SAMD5: variants seen among roughly 807,000 people sequenced by gnomAD.
SAMD5 encodes the protein sterile alpha motif domain-containing protein 5.
A neutral mutation model predicts 11.3 loss-of-function variants in SAMD5; 13 were observed. The ratio of observed to expected loss-of-function variants is 1.15; its 90% CI spans 0.75 to 1.83. SAMD5 has a LOEUF of 1.83. SAMD5 is among the 40% of genes most tolerant of loss of function. The pLI, the probability that SAMD5 is intolerant of heterozygous loss-of-function variation, is 0.00. For missense variants in SAMD5, 255 were observed against 239.1 expected, an observed-to-expected ratio of 1.07 and a Z score of -0.44; for synonymous variants, 129 against 111.3, an observed-to-expected ratio of 1.16 and a Z score of -1.00.
intron 1 of SAMD5, among the ~76,000 whole-genome samples, chr6:147,551,552 G>A (rs1788772246): frequency 6.6e-6 from 1 of 151,928 alleles, no homozygotes; most frequent in Admixed American, 6.6e-5. Context: ...TAAGGTGGCA[G>A]ATGCATAACT....
chr6:147,909,618 T>TTCTCTCTCTCTC, the SAMD5 span, among the ~76,000 whole-genome samples: 31 of 76,420 alleles, frequency 4.1e-4, 1 homozygote, highest in East Asian at 8.0e-4. Flanking sequence ...CTTTCTTTCT[T>TTCTCTCTCTCTC]TCTTTCTTTC....
the SAMD5 span, among the ~76,000 whole-genome samples, chr6:147,851,140 C>T: frequency 7.2e-5 from 11 of 151,902 alleles, no homozygotes; most frequent in African/African-American, 2.4e-4. Flanking sequence ...GATGGGGTTT[C>T]GCCATGTTGG....
chr6:147,755,438 C>T, the SAMD5 span, among the ~76,000 whole-genome samples: 1 of 152,080 alleles, frequency 6.6e-6, no homozygotes, highest in East Asian at 1.9e-4. Context: ...TCATATATGG[C>T]AGCCACTGTC....
chr6:147,824,836 T>C, the SAMD5 span, among the ~76,000 whole-genome samples: 4 of 152,326 alleles, frequency 2.6e-5, no homozygotes, highest in African/African-American at 7.2e-5. Context: ...CTTCATTCAG[T>C]GCATATTTAT....
At chr6:147,905,676 G>C in the SAMD5 span, among the ~76,000 whole-genome samples, 2 of 152,076 alleles carry the variant, frequency 1.3e-5, no homozygotes, top group Non-Finnish European at 2.9e-5. Flanking sequence ...TAAAACCACA[G>C]ATCTAATTTT....
chr6:147,742,308 A>T (rs1317761236), downstream of SAMD5, among the ~76,000 whole-genome samples: 1 of 151,916 alleles, frequency 6.6e-6, no homozygotes, highest in Non-Finnish European at 1.5e-5. Flanking sequence ...CATGCAGTGG[A>T]AGTTGCCTGC....
At chr6:147,551,775 G>A (rs1438253161) in intron 1 of SAMD5, among the ~76,000 whole-genome samples, 6 of 143,300 alleles carry the variant, frequency 4.2e-5, no homozygotes, top group Non-Finnish European at 7.5e-5. Flanking sequence ...GAAAAGAATT[G>A]GAGACCTTAT....
intron 1 of SAMD5, among the ~76,000 whole-genome samples, chr6:147,649,709 TGAACC>T (rs750758626): frequency 1.3e-4 from 20 of 150,986 alleles, no homozygotes; most frequent in Non-Finnish European, 2.8e-4. Flanking sequence ...GAGAATCGCC[TGAACC>T]CAGGAGGCAG....
the SAMD5 span, among the ~76,000 whole-genome samples, chr6:147,878,577 CTCTATATAGATATATATACATATATA>C: frequency 3.5e-5 from 5 of 143,526 alleles, no homozygotes; most frequent in South Asian, 2.1e-4. Context: ...CTAGATATAT[CTCTATATAGATATATATACATATATA>C]TCTATATAGA....
intron 1 of SAMD5, among the ~76,000 whole-genome samples, chr6:147,676,778 G>A (rs569873324): frequency 2.8e-5 from 4 of 144,942 alleles, no homozygotes; most frequent in Non-Finnish European, 6.0e-5. Context: ...CTTTCCAGTA[G>A]AGAGATTGCC....
At chr6:147,513,607 C>T (rs952393204) in intron 1 of SAMD5, among the ~76,000 whole-genome samples, 1 of 152,090 alleles carries the variant, frequency 6.6e-6, no homozygotes, top group Non-Finnish European at 1.5e-5. Flanking sequence ...TGGGGAACAG[C>T]AGGATTTCAG....
At chr6:147,886,584 T>G in the SAMD5 span, among the ~76,000 whole-genome samples, 1 of 152,116 alleles carries the variant, frequency 6.6e-6, no homozygotes, top group Non-Finnish European at 1.5e-5. Flanking sequence ...GGGAGGTGAC[T>G]CCTGGATTAC....
intron 1 of SAMD5, among the ~76,000 whole-genome samples, chr6:147,640,812 T>G (rs1370813130): frequency 6.6e-6 from 1 of 152,204 alleles, no homozygotes; most frequent in Non-Finnish European, 1.5e-5. Flanking sequence ...TTTGCAAGAT[T>G]GTGCATCAAT....
At chr6:147,680,783 C>T (rs1235701100) in intron 1 of SAMD5, among the ~76,000 whole-genome samples, 5 of 152,050 alleles carry the variant, frequency 3.3e-5, no homozygotes, top group South Asian at 2.1e-4. Flanking sequence ...GTTTTTCTTT[C>T]GTGGTCCTTT....
At chr6:147,719,496 T>C (rs6927062) in intron 1 of SAMD5, among the ~76,000 whole-genome samples, 31,558 of 152,108 alleles carry the variant, frequency 0.21, 5,765 homozygotes, top group African/African-American at 0.49. Flanking sequence ...GTAGCTCTGT[T>C]TGCTGAGCCC....
chr6:147,830,251 CTTTTTTT>C, the SAMD5 span, among the ~76,000 whole-genome samples: 75 of 84,936 alleles, frequency 8.8e-4, no homozygotes, highest in South Asian at 3.4e-3. Flanking sequence ...TTCTTTCTTT[CTTTTTTT>C]TTTTTTTTTT....
chr6:147,887,498 A>G, the SAMD5 span, among the ~76,000 whole-genome samples: 2 of 152,232 alleles, frequency 1.3e-5, no homozygotes, highest in Non-Finnish European at 2.9e-5. Context: ...CTATGAGAAC[A>G]TGAATTAATA....
At chr6:147,802,722 A>G in the SAMD5 span, among the ~76,000 whole-genome samples, 1 of 151,840 alleles carries the variant, frequency 6.6e-6, no homozygotes, top group Non-Finnish European at 1.5e-5. Flanking sequence ...AATAAAAAGA[A>G]ATTAACTACC....
rs12665848 is a variant in SAMD5, at chr6:147,539,658, A to C, written c.460-24736A>C. Among the ~76,000 whole-genome samples the C allele has an allele frequency of 3.8e-3, 575 of 151,982 alleles. 24 individuals carry two copies. The East Asian group carries it at 0.079, about 21-fold the overall frequency. On this transcript the variant is annotated intron_variant, in intron 1 of 1. Coordinates refer to ENST00000367474, the MANE Select transcript of SAMD5 (RefSeq NM_001030060.3). The stretch of plus-strand genomic sequence containing the variant: ...TCCCAATGAGTTCCAGGCTACCAGA[A>C]GTTATCTTAGGACCTCTTACATGTG...
Sources: gnomAD v4.1 joint callset for allele counts (sites outside exome capture counted in the v4.1 genomes callset) on GRCh38, gnomAD v4.1.1 for gene constraint, MANE v1.5 for transcripts, NCBI Gene and HGNC (gene_info 2026-07-23, HGNC 2026-07-21) for gene names.